Variants in ATP2A2 observed in about 807,000 individuals in gnomAD.
The protein encoded by ATP2A2 is ATPase sarcoplasmic/endoplasmic reticulum Ca2+ transporting 2.
In ATP2A2, 14 loss-of-function variants were observed where a neutral mutation model predicts 109.3. The observed-to-expected ratio is 0.13, with a 90% CI of 0.08 to 0.20. The LOEUF is 0.20. Among genes scored for constraint, ATP2A2 ranks in the 10% least tolerant of loss-of-function variants. ATP2A2 has a pLI of 1.00. For synonymous variants in ATP2A2, 506 were observed against 490.9 expected (o/e 1.03, Z -0.41); for missense variants, 657 against 1,321.6 (o/e 0.50, Z 7.80).
intron 5 of ATP2A2, among the ~76,000 whole-genome samples, chr12:110,318,461 A>G (rs745890179): frequency 6.6e-5 from 10 of 152,172 alleles, no homozygotes; most frequent in Non-Finnish European, 1.2e-4. Flanking sequence ...TAGCTAAGAA[A>G]ATACTAGAAT....
intron 9 of ATP2A2, among the ~76,000 whole-genome samples, chr12:110,332,896 A>G (rs953052486): frequency 1.3e-5 from 2 of 152,234 alleles, no homozygotes; most frequent in African/African-American, 2.4e-5. Context: ...CTGGGCTCCA[A>G]ACTTTCAAGA....
chr12:110,312,779 G>C (rs1876221359), intron 5 of ATP2A2, among the ~76,000 whole-genome samples: 1 of 149,398 alleles, frequency 6.7e-6, no homozygotes, highest in Non-Finnish European at 1.5e-5. Flanking sequence ...AAACCCAGGA[G>C]ATGGAAGCTG....
In ATP2A2 at chr12:110,347,318, G is replaced by A. The variant is rs980892725; in HGVS notation, c.*848G>A. ...AAATAAAACATTTTAAATGGACAGA[G>A]AAAAATAACTGTCTTGTCTTTAACT... On this transcript the variant is annotated 3_prime_UTR_variant, in exon 20 of 20. Transcript: ENST00000539276. The A allele has an allele frequency of 8.2e-5, 105 of 1,274,882 alleles. 1 individual carries two copies. The highest frequency in any genetic ancestry group is 4.4e-4 in the Middle Eastern group (2 of 4,506). 79.0% of individuals were successfully genotyped at this position (1,274,882 alleles called of 1,614,324 possible).
In ATP2A2 at chr12:110,350,405, G is replaced by A; in HGVS notation, c.*3935G>A. 6.3e-7 allele frequency: 1 copy of A among 1,594,436 alleles called. No individual in the cohort carries two copies. The highest frequency in any genetic ancestry group is 1.1e-5 in the South Asian group (1 of 89,716). On this transcript the variant is annotated 3_prime_UTR_variant, in exon 20 of 20. Transcript: ENST00000539276. ...CCAACCCTGTGCATGACTGATGTTG[G>A]GGAAAAAGAAAAGTAAAAAACTTCC... is the stretch of plus-strand genomic sequence containing the variant.
At chr12:110,310,220 C>G (rs996829633) in intron 5 of ATP2A2, among the ~76,000 whole-genome samples, 1 of 151,816 alleles carries the variant, frequency 6.6e-6, no homozygotes, top group Non-Finnish European at 1.5e-5. Flanking sequence ...CTCCTGACCT[C>G]AAGTGATCTG....
chr12:110,350,184 A>C lies in ATP2A2; in HGVS notation c.*3714A>C. Reference sequence around the variant, plus strand: ...TTGAAACCTTGAAAAGATCAAGCTGAATGTTCCTTTTCATCTGTCGCTGTT... The same window carrying C: ...TTGAAACCTTGAAAAGATCAAGCTGCATGTTCCTTTTCATCTGTCGCTGTT... On this transcript the variant is annotated 3_prime_UTR_variant, in exon 20 of 20. Transcript: ENST00000539276. The C allele has an allele frequency of 1.9e-6, 3 of 1,608,378 alleles. No homozygotes were observed. Among genetic ancestry groups the C allele is most frequent in the East Asian group, 2.2e-5 (1 of 44,774 alleles).
intron 5 of ATP2A2, among the ~76,000 whole-genome samples, chr12:110,320,948 G>T (rs1464493840): frequency 1.3e-5 from 2 of 152,236 alleles, no homozygotes; most frequent in Non-Finnish European, 2.9e-5. Flanking sequence ...TTCAGTGTTG[G>T]CTGGGTGCAG....
chr12:110,328,074 A>G, intron 8 of ATP2A2, 57 bp downstream of exon 8: 1 of 1,512,256 alleles, frequency 6.6e-7, no homozygotes, highest in Non-Finnish European at 9.1e-7. Flanking sequence ...TCCTACCAAT[A>G]TGCCTTCATG....
chr12:110,283,937 C>G (rs1194005830), intron 3 of ATP2A2, among the ~76,000 whole-genome samples: 2 of 152,142 alleles, frequency 1.3e-5, no homozygotes, highest in Non-Finnish European at 2.9e-5. Flanking sequence ...TTATACCCAT[C>G]TTTTAAGTAG....
intron 5 of ATP2A2, among the ~76,000 whole-genome samples, chr12:110,319,223 G>GAAAAAAAAAAAAAAAAAAAAAA (rs59623372): frequency 1.6e-5 from 1 of 63,452 alleles, no homozygotes; most frequent in Admixed American, 2.1e-4. Context: ...AATAAAAAAT[G>GAAAAAAAAAAAAAAAAAAAAAA]AAAAAAAAAA....
intron 5 of ATP2A2, among the ~76,000 whole-genome samples, chr12:110,304,111 G>A (rs545937883): frequency 6.6e-6 from 1 of 152,278 alleles, no homozygotes; most frequent in African/African-American, 2.4e-5. Flanking sequence ...TCTTAGCATA[G>A]TGTTACATTT....
In ATP2A2 at chr12:110,339,256, G is replaced by A; in HGVS notation, c.1420-25G>A. 1 of 1,613,532 alleles carries A rather than the reference G, an allele frequency of 6.2e-7. No individual in the cohort carries two copies. Among genetic ancestry groups the A allele is most frequent in the South Asian group, 1.1e-5 (1 of 90,676 alleles). On this transcript the variant is annotated intron_variant, in intron 11 of 19. Coordinates refer to ENST00000539276, the MANE Select transcript of ATP2A2 (RefSeq NM_170665.4). This position sits in a 1 kb window ranked among gnomAD's most constrained non-coding sequence, Gnocchi z 4.4. ...AAAGTTCAGAAATTGCCACCCAGTA[G>A]TATCCATATTTGTTCCCTTTGTAGG...
At chr12:110,332,229 A>G (rs777621632) in intron 8 of ATP2A2, 32 of 317,140 alleles carry the variant, frequency 1.0e-4, no homozygotes, top group Non-Finnish European at 1.5e-4. Flanking sequence ...ATTCTGAGCA[A>G]TCTAAAGAGT....
At chr12:110,325,986 C>CG (rs578062760) in intron 6 of ATP2A2, 14 of 202,706 alleles carry the variant, frequency 6.9e-5, no homozygotes, top group Non-Finnish European at 1.3e-4. Flanking sequence ...ACCTCTGTCT[C>CG]GAAAAAAAAA....
At chr12:110,291,692 G>A (rs540207988) in intron 3 of ATP2A2, among the ~76,000 whole-genome samples, 2 of 137,914 alleles carry the variant, frequency 1.5e-5, no homozygotes, top group African/African-American at 5.5e-5. Flanking sequence ...AGGCTGGAGT[G>A]CAATGGCATG....
At chr12:110,309,018 T>C (rs1182966845) in intron 5 of ATP2A2, among the ~76,000 whole-genome samples, 8 of 152,138 alleles carry the variant, frequency 5.3e-5, no homozygotes, top group African/African-American at 1.7e-4. Flanking sequence ...CTCCTGACTT[T>C]AAAATTCTTT....
Position 110,291,002 on chromosome 12 carries a change from G to A in ATP2A2, c.220-1018G>A, listed in dbSNP as rs148295998. Among the ~76,000 whole-genome samples, 430 of 148,380 alleles carry A rather than the reference G, an allele frequency of 2.9e-3. 2 individuals are homozygous for A. Among genetic ancestry groups the A allele is most frequent in the African/African-American group, 9.6e-3 (386 of 40,222 alleles). On this transcript the variant is annotated intron_variant, in intron 3 of 19. Coordinates refer to ENST00000539276, the MANE Select transcript of ATP2A2 (RefSeq NM_170665.4). ...TGGCTCACCGCAACCTCTGCCTCCC[G>A]GGTTCAAGCGATTCTCCTGCCTCAG...
At chr12:110,313,705 CTTTTTTTTTTTTT>C (rs137984643) in intron 5 of ATP2A2, among the ~76,000 whole-genome samples, 1 of 111,904 alleles carries the variant, frequency 8.9e-6, no homozygotes, top group Non-Finnish European at 1.8e-5. Context: ...GATAATGGAA[CTTTTTTTTTTTTT>C]TTTTTTTTTG....
In ATP2A2 at chr12:110,346,652, A is replaced by G; in HGVS notation, c.*182A>G. 2 of 1,458,030 alleles carry G rather than the reference A, an allele frequency of 1.4e-6. No individual in the cohort carries two copies. The highest frequency in any genetic ancestry group is 5.3e-5 in the Admixed American group (2 of 37,548). The allele number at this position is 1,458,030 out of a possible 1,614,324, so 90.3% of individuals were successfully genotyped here. ...GGGGCAAGATTTTCCTTTTTTATAC[A>G]CATAATTAAAGTGTCCATTGACATG... is the stretch of plus-strand genomic sequence containing the variant. On this transcript the variant is annotated 3_prime_UTR_variant, in exon 20 of 20. Coordinates refer to ENST00000539276, the MANE Select transcript of ATP2A2 (RefSeq NM_170665.4).
Sources: allele counts gnomAD v4.1 joint callset (sites outside exome capture counted in the v4.1 genomes callset), GRCh38; gene constraint gnomAD v4.1.1; non-coding constraint Gnocchi (gnomAD v3.1); transcripts MANE v1.5; gene names NCBI Gene and HGNC (gene_info 2026-07-23, HGNC 2026-07-21).